Variants in NRXN3 observed in about 807,000 individuals in gnomAD.
NRXN3 encodes neurexin 3, also known as neurexin III.
In NRXN3, 32 loss-of-function variants were observed where a neutral mutation model predicts 137.6. The observed-to-expected ratio is 0.23, with a 90% CI of 0.18 to 0.31. The LOEUF (loss-of-function observed/expected upper bound fraction) is 0.31. NRXN3 is among the 10% of genes least tolerant of loss of function. The probability of loss-of-function intolerance (pLI) is 1.00; values close to 1 mark genes in which losing one functional copy is unlikely to be tolerated. For missense variants in NRXN3, 1,574 were observed against 2,062.5 expected (o/e 0.76, Z 4.59); for synonymous variants, 798 against 784.5 (o/e 1.02, Z -0.29).
chr14:78,341,752 C>A (rs879067225), intron 4 of NRXN3, among the ~76,000 whole-genome samples: 3 of 152,170 alleles, frequency 2.0e-5, no homozygotes, highest in Non-Finnish European at 4.4e-5. Flanking sequence ...TCTCTCTGCT[C>A]GTAATTATTC....
intron 19 of NRXN3, chr14:79,760,596 G>A (rs1744497217): frequency 6.6e-6 from 1 of 151,208 alleles, no homozygotes; most frequent in Admixed American, 6.6e-5. Context: ...AACAGCAAGG[G>A]GAATCTTGAA....
At chr14:78,558,571 C>A (rs940285388) in intron 4 of NRXN3, among the ~76,000 whole-genome samples, 4 of 152,184 alleles carry the variant, frequency 2.6e-5, no homozygotes, top group Admixed American at 2.6e-4. Context: ...TATTTACTTT[C>A]TCTACTTCCT....
chr14:78,620,127 A>AAGTT (rs918730867), intron 4 of NRXN3, among the ~76,000 whole-genome samples: 1 of 152,162 alleles, frequency 6.6e-6, no homozygotes, highest in Admixed American at 6.5e-5. Context: ...TACAGGCATA[A>AAGTT]AGTTACCTGT....
chr14:79,807,186 G>A (rs1444542218), intron 20 of NRXN3, among the ~76,000 whole-genome samples: 1 of 151,352 alleles, frequency 6.6e-6, no homozygotes, highest in African/African-American at 2.4e-5. Flanking sequence ...TGTTGCTCAG[G>A]CTGGTCTCGA....
intron 3 of NRXN3, among the ~76,000 whole-genome samples, chr14:78,295,808 A>G (rs1882812): frequency 0.8 from 121,507 of 151,970 alleles, 48,837 homozygotes; most frequent in Middle Eastern, 0.89. Context: ...GCAATGATAG[A>G]GGTTTTTACG....
At chr14:79,424,293 T>C (rs1459232533) in intron 15 of NRXN3, among the ~76,000 whole-genome samples, 2 of 152,160 alleles carry the variant, frequency 1.3e-5, no homozygotes, top group African/African-American at 2.4e-5. Flanking sequence ...TAACAAATAT[T>C]AATTCTACAA....
At chr14:79,338,703 TGTG>T (rs1387809116) in intron 15 of NRXN3, among the ~76,000 whole-genome samples, 1 of 152,174 alleles carries the variant, frequency 6.6e-6, no homozygotes, top group Non-Finnish European at 1.5e-5. Flanking sequence ...TTATTAGAAA[TGTG>T]GTTGAAGATT....
chr14:78,839,014 C>T (rs148662452), intron 10 of NRXN3, among the ~76,000 whole-genome samples: 3 of 152,172 alleles, frequency 2.0e-5, no homozygotes, highest in Admixed American at 6.6e-5. Flanking sequence ...GCTGGAGATC[C>T]GTTGGTGAGT....
chr14:79,429,906 A>G (rs903542051), intron 15 of NRXN3, among the ~76,000 whole-genome samples: 2 of 152,182 alleles, frequency 1.3e-5, no homozygotes, highest in Non-Finnish European at 2.9e-5. Context: ...GCATCTTGAT[A>G]TTAGAAATTA....
At chr14:78,259,442 G>A (rs769249013) in intron 2 of NRXN3, among the ~76,000 whole-genome samples, 10 of 152,078 alleles carry the variant, frequency 6.6e-5, no homozygotes, top group East Asian at 1.9e-4. Context: ...AGGGTCTGGC[G>A]TAGAACTCTT....
chr14:78,365,452 A>G (rs2085781233), intron 4 of NRXN3, among the ~76,000 whole-genome samples: 2 of 152,190 alleles, frequency 1.3e-5, no homozygotes, highest in South Asian at 4.1e-4. Context: ...CCTCCAGCTG[A>G]CAAATGAAAA....
intron 1 of NRXN3, chr14:78,231,618 A>G (rs190636752): frequency 1.3e-4 from 19 of 151,574 alleles, no homozygotes; most frequent in African/African-American, 4.6e-4. Flanking sequence ...CCTCATTGTC[A>G]TTTTGGAAGT....
chr14:79,510,841 G>A (rs1029443214), intron 16 of NRXN3, among the ~76,000 whole-genome samples: 1 of 152,142 alleles, frequency 6.6e-6, no homozygotes, highest in Non-Finnish European at 1.5e-5. Flanking sequence ...TGGCATGGGA[G>A]GTGGAGACTA....
intron 10 of NRXN3, among the ~76,000 whole-genome samples, chr14:78,844,466 T>C (rs2099021070): frequency 6.6e-6 from 1 of 152,112 alleles, no homozygotes; most frequent in Admixed American, 6.6e-5. Context: ...TCTTGTTCTT[T>C]GACTGCCTTT....
chr14:78,358,752 G>T (rs2084689717), intron 4 of NRXN3, among the ~76,000 whole-genome samples: 1 of 152,188 alleles, frequency 6.6e-6, no homozygotes, highest in South Asian at 2.1e-4. Context: ...GTGACAGTCA[G>T]ATTCTCCTGC....
At chr14:79,200,002 G>A (rs2065738407) in intron 15 of NRXN3, 1 of 152,190 alleles carries the variant, frequency 6.6e-6, no homozygotes, top group African/African-American at 2.4e-5. Context: ...GAATTGAGAG[G>A]TCATTGACTG....
chr14:79,104,279 C>G (rs2051938653), intron 15 of NRXN3, among the ~76,000 whole-genome samples: 1 of 152,124 alleles, frequency 6.6e-6, no homozygotes, highest in Admixed American at 6.6e-5. Flanking sequence ...CTCTACATGG[C>G]AAAAGTGGGC....
At chr14:79,069,112 G>A (rs754533426) in intron 15 of NRXN3, among the ~76,000 whole-genome samples, 10 of 152,010 alleles carry the variant, frequency 6.6e-5, no homozygotes, top group Non-Finnish European at 1.3e-4. Context: ...TTCCTTTGGC[G>A]ACAGCACTGT....
intron 15 of NRXN3, among the ~76,000 whole-genome samples, chr14:79,365,777 G>T (rs949752985): frequency 1.1e-4 from 16 of 140,366 alleles, no homozygotes; most frequent in South Asian, 2.4e-4. Context: ...AAACCATCTC[G>T]AATCGATATT....
Sources: allele counts gnomAD v4.1 joint callset (sites outside exome capture counted in the v4.1 genomes callset), GRCh38; gene constraint gnomAD v4.1.1; transcripts MANE v1.5; gene names NCBI Gene and HGNC (gene_info 2026-07-23, HGNC 2026-07-21).